The following XPO7 variants were observed in gnomAD, a reference collection of about 807,000 sequenced individuals.
XPO7 encodes exportin 7.
XPO7 carries 21 observed loss-of-function variants against 144.3 expected under a neutral mutation model. The ratio of observed to expected loss-of-function variants is 0.15; its 90% CI spans 0.10 to 0.21. XPO7 has a LOEUF of 0.21. Ranked by LOEUF, XPO7 falls within the 10% of genes least tolerant of loss-of-function variation. XPO7 has a pLI of 1.00. For synonymous variants in XPO7, 580 were observed against 499.6 expected, an observed-to-expected ratio of 1.16 and a Z score of -2.15; for missense variants, 808 against 1,325.8, an observed-to-expected ratio of 0.61 and a Z score of 6.06.
intron 1 of XPO7, among the ~76,000 whole-genome samples, chr8:21,924,550 G>C (rs118129753): frequency 4.3e-4 from 65 of 152,176 alleles, no homozygotes; most frequent in Non-Finnish European, 8.7e-4. Context: ...AAGCCAGGGG[G>C]AGAAGCAGTA....
intron 21 of XPO7, among the ~76,000 whole-genome samples, chr8:21,997,301 GAC>G (rs1466406429): frequency 3.3e-5 from 5 of 152,234 alleles, no homozygotes; most frequent in East Asian, 3.9e-4. Context: ...TGGTGGGGAA[GAC>G]ACACAATAAA....
chr8:21,984,551 A>G, intron 11 of XPO7, 95 bp from the exon 12 acceptor site: 1 of 1,168,218 alleles, frequency 8.6e-7, no homozygotes, highest in Non-Finnish European at 1.2e-6. Flanking sequence ...ACAGTCAGAA[A>G]TGGTGGCTAA....
At chr8:21,938,401 A>G (rs771501716) in intron 1 of XPO7, among the ~76,000 whole-genome samples, 20 of 152,180 alleles carry the variant, frequency 1.3e-4, no homozygotes, top group Admixed American at 7.9e-4. Context: ...CATTTTCATC[A>G]CTCCAAAAAG....
intron 1 of XPO7, among the ~76,000 whole-genome samples, chr8:21,957,865 A>G (rs2117304863): frequency 6.6e-6 from 1 of 150,720 alleles, no homozygotes; most frequent in South Asian, 2.1e-4. Flanking sequence ...AAACAACTGT[A>G]AGGTCCTTTC....
At chr8:21,992,294 C>T (rs1812795784) in intron 19 of XPO7, among the ~76,000 whole-genome samples, 1 of 151,928 alleles carries the variant, frequency 6.6e-6, no homozygotes, top group East Asian at 1.9e-4. Flanking sequence ...TTTAATACTG[C>T]TCATTAGTGA....
chr8:21,986,158 G>A (rs1812572150), intron 13 of XPO7, among the ~76,000 whole-genome samples: 1 of 135,706 alleles, frequency 7.4e-6, no homozygotes, highest in South Asian at 2.4e-4. Flanking sequence ...TTTTTTTGGA[G>A]ATGGAGTCTC....
chr8:22,000,787 A>G (rs2117405364), intron 24 of XPO7, among the ~76,000 whole-genome samples: 1 of 152,298 alleles, frequency 6.6e-6, no homozygotes, highest in East Asian at 1.9e-4. Flanking sequence ...TTCAGAGAAT[A>G]AAACACATTT....
intron 14 of XPO7, among the ~76,000 whole-genome samples, 193 bp from the exon 15 acceptor site, chr8:21,987,591 T>G (rs1812623049): frequency 6.6e-6 from 1 of 152,234 alleles, no homozygotes; most frequent in Non-Finnish European, 1.5e-5. Context: ...ATTTCAGGAT[T>G]GAAAGGGACC....
intron 1 of XPO7, among the ~76,000 whole-genome samples, chr8:21,929,330 G>A (rs538845372): frequency 7.4e-4 from 113 of 152,342 alleles, no homozygotes; most frequent in African/African-American, 2.7e-3. Flanking sequence ...CCTCTCAGAT[G>A]TGTGTGAATG....
At chr8:21,986,340 A>G (rs1812577890) in intron 13 of XPO7, among the ~76,000 whole-genome samples, 1 of 151,994 alleles carries the variant, frequency 6.6e-6, no homozygotes, top group South Asian at 2.1e-4. Context: ...TTTTAGTGAG[A>G]CGGGGTTTCA....
chr8:21,981,615 C>G (rs1812414049), intron 9 of XPO7, 116 bp from the exon 10 acceptor site: 36 of 1,288,546 alleles, frequency 2.8e-5, no homozygotes, highest in Non-Finnish European at 3.9e-5. Context: ...TGACCTGCAG[C>G]CCAGAAGTTA....
chr8:21,977,874 A>T (rs1388081765), intron 8 of XPO7, 31 bp downstream of exon 8: 6 of 1,582,612 alleles, frequency 3.8e-6, no homozygotes, highest in Non-Finnish European at 5.2e-6. Context: ...CTTAAAGCAA[A>T]CCTATTCATA....
intron 19 of XPO7, among the ~76,000 whole-genome samples, chr8:21,992,675 C>T (rs1364319781): frequency 1.3e-5 from 2 of 152,118 alleles, no homozygotes; most frequent in Non-Finnish European, 2.9e-5. Flanking sequence ...CAGCTTCCCA[C>T]GTGGCTAGGA....
chr8:21,963,724 G>A (rs922662797), intron 1 of XPO7, among the ~76,000 whole-genome samples: 2 of 151,858 alleles, frequency 1.3e-5, no homozygotes, highest in East Asian at 3.9e-4. Context: ...TAACCATTGG[G>A]CTATTTAAAG....
chr8:21,995,212 G>A (rs943284282), intron 20 of XPO7, among the ~76,000 whole-genome samples: 5 of 152,042 alleles, frequency 3.3e-5, no homozygotes, highest in African/African-American at 4.8e-5. Context: ...TAATACCATA[G>A]AAGTGATGAA....
At chr8:22,002,394 A>T (rs1813180770) in intron 25 of XPO7, 122 bp downstream of exon 25, 2 of 1,228,404 alleles carry the variant, frequency 1.6e-6, no homozygotes, top group South Asian at 3.1e-5. Flanking sequence ...TGCTGAGATG[A>T]AGTCCGTGTC....
chr8:21,988,814 A>AT (rs1403675387), intron 15 of XPO7, 189 bp from the exon 16 acceptor site: 1 of 590,744 alleles, frequency 1.7e-6, no homozygotes, highest in Non-Finnish European at 3.0e-6. Flanking sequence ...CTGAAGGATA[A>AT]TTTTTCTAGT....
rs1223607545 is a variant in XPO7 at position 21,955,516 on chromosome 8, A to G, written c.19-11341A>G. Among the ~76,000 whole-genome samples, 3 of 152,284 alleles carry G rather than the reference A, an allele frequency of 2.0e-5. No homozygotes were observed. In the East Asian group the frequency reaches 5.8e-4, roughly 29 times the overall value. On this transcript the variant is annotated intron_variant, in intron 1 of 27. Transcript: ENST00000252512. Reference sequence around the variant, plus strand: ...TCAGGTTAAAGTAGGCAGTGGTGGCAGGGATCTTGGTGATGATTCTGTGAA... The same window carrying G: ...TCAGGTTAAAGTAGGCAGTGGTGGCGGGGATCTTGGTGATGATTCTGTGAA...
intron 11 of XPO7, among the ~76,000 whole-genome samples, chr8:21,984,144 T>C (rs1038474990): frequency 6.6e-6 from 1 of 152,172 alleles, no homozygotes; most frequent in Non-Finnish European, 1.5e-5. Context: ...TAAGTTTTGC[T>C]ACAGGAACGT....
Sources: allele counts gnomAD v4.1 joint callset (sites outside exome capture counted in the v4.1 genomes callset), GRCh38; gene constraint gnomAD v4.1.1; transcripts MANE v1.5; gene names NCBI Gene and HGNC (gene_info 2026-07-23, HGNC 2026-07-21).